RAB11FIP4: variants seen among roughly 807,000 people sequenced by gnomAD.
RAB11FIP4 encodes rab11 family-interacting protein 4.
RAB11FIP4 carries 23 observed loss-of-function variants against 74.3 expected under a neutral mutation model. That is an observed-to-expected ratio of 0.31 (90% CI 0.22 to 0.44). The LOEUF (loss-of-function observed/expected upper bound fraction) is 0.44, where lower values mean the gene tolerates loss of function less well. Among genes scored for constraint, RAB11FIP4 ranks in the 20% least tolerant of loss-of-function variants. The pLI is 1.00. For synonymous variants in RAB11FIP4, 360 were observed against 359.9 expected (o/e 1.00, Z 0.00); for missense variants, 630 against 863.9 (o/e 0.73, Z 3.39).
chr17:31,498,301 C>G (rs752755430), intron 3 of RAB11FIP4, among the ~76,000 whole-genome samples: 1 of 152,202 alleles, frequency 6.6e-6, no homozygotes, highest in Admixed American at 6.5e-5. Context: ...CCCCCAACCC[C>G]CCATGCAAGA....
intron 1 of RAB11FIP4, among the ~76,000 whole-genome samples, chr17:31,405,704 G>A (rs905530328): frequency 1.3e-5 from 2 of 152,144 alleles, no homozygotes; most frequent in African/African-American, 2.4e-5. Flanking sequence ...TCTTGATATA[G>A]AAATTTAAAT....
intron 1 of RAB11FIP4, among the ~76,000 whole-genome samples, chr17:31,404,454 G>C (rs78654944): frequency 6.6e-6 from 1 of 152,358 alleles, no homozygotes; most frequent in Non-Finnish European, 1.5e-5. Flanking sequence ...CAACTTACTT[G>C]CTGCGTGACT....
chr17:31,409,058 G>A (rs949552781), intron 1 of RAB11FIP4, among the ~76,000 whole-genome samples: 3 of 152,238 alleles, frequency 2.0e-5, no homozygotes, highest in African/African-American at 7.2e-5. Flanking sequence ...CGGGCAGCCA[G>A]ATGCAGCTAG....
intron 1 of RAB11FIP4, among the ~76,000 whole-genome samples, chr17:31,417,416 A>T (rs1753904598): frequency 6.6e-6 from 1 of 151,992 alleles, no homozygotes. Context: ...GGCCCCTCTC[A>T]CCCCACAGGC....
chr17:31,446,320 A>G (rs2071463351), intron 3 of RAB11FIP4, among the ~76,000 whole-genome samples: 1 of 152,102 alleles, frequency 6.6e-6, no homozygotes, highest in East Asian at 1.9e-4. Flanking sequence ...CACCCCTTGC[A>G]GCTTCTGTCC....
Position 31,524,013 on chromosome 17 carries a change from C to A in RAB11FIP4, c.1133+17C>A. ...GGTGCACAGGTCAAGCAGGCAGCGG[C>A]GCTGGGGGCTCGGCCGTGACGCTGG... is the stretch of plus-strand genomic sequence containing the variant. On this transcript the variant is annotated intron_variant, in intron 9 of 14. Transcript: ENST00000621161. 6.3e-7 allele frequency: 1 copy of A among 1,584,372 alleles called. No individual in the cohort carries two copies. The highest frequency in any genetic ancestry group is 8.6e-7 in the Non-Finnish European group (1 of 1,158,218).
At position 31,441,594 on chromosome 17, in the gene RAB11FIP4, C is replaced by T. The variant is rs184239129; in HGVS notation, c.336+7472C>T. On this transcript the variant is annotated intron_variant, in intron 3 of 14. Transcript: ENST00000621161. ...CCAGGCTGGAGTGCAGCAGTGTGAT[C>T]TCGGCTCACTGCAATCTCTGCCTCC... is the stretch of plus-strand genomic sequence containing the variant. Among the ~76,000 whole-genome samples, 75 of 151,726 alleles carry T rather than the reference C, an allele frequency of 4.9e-4. 1 individual carries two copies. In the East Asian group the frequency reaches 0.013, roughly 26 times the overall value.
intron 1 of RAB11FIP4, among the ~76,000 whole-genome samples, chr17:31,394,524 C>A (rs1372711977): frequency 1.3e-5 from 2 of 151,778 alleles, no homozygotes; most frequent in African/African-American, 2.4e-5. Context: ...TTTCTTTTTT[C>A]TTTTAACAAT....
At chr17:31,493,050 G>T (rs1023930325) in intron 3 of RAB11FIP4, among the ~76,000 whole-genome samples, 4 of 152,022 alleles carry the variant, frequency 2.6e-5, no homozygotes, top group Admixed American at 2.6e-4. Context: ...CCAGAGCTGT[G>T]GGGTCTGAGT....
intron 3 of RAB11FIP4, among the ~76,000 whole-genome samples, chr17:31,437,668 C>T (rs1159774034): frequency 5.9e-5 from 9 of 152,172 alleles, no homozygotes; most frequent in Non-Finnish European, 2.9e-5. Context: ...AGGGTGTGGA[C>T]GGAGACCTCT....
chr17:31,502,091 G>T (rs1167712306), intron 3 of RAB11FIP4, among the ~76,000 whole-genome samples: 2 of 152,078 alleles, frequency 1.3e-5, no homozygotes, highest in African/African-American at 4.8e-5. Context: ...AGGCGTGGTG[G>T]TGGGCACCTG....
intron 3 of RAB11FIP4, among the ~76,000 whole-genome samples, chr17:31,445,558 ATATATATATATATATATATATTTTT>A (rs1344960639): frequency 0.01 from 138 of 13,760 alleles, 3 homozygotes; most frequent in African/African-American, 0.023. Context: ...ATATATATAT[ATATATATATATATATATATATTTTT>A]TTTTTTTTTT....
rs540918138 is a variant in RAB11FIP4 at position 31,415,574 on chromosome 17, G to A, written c.160-16239G>A. On this transcript the variant is annotated intron_variant, in intron 1 of 14. Coordinates refer to ENST00000621161, the MANE Select transcript of RAB11FIP4 (RefSeq NM_032932.6). ...ATGCCCACCCCAAACATGCCTGAAA[G>A]CATTACGATCATAGAGACTTCAGAG... Among the ~76,000 whole-genome samples, 144 of 152,134 alleles carry A rather than the reference G, an allele frequency of 9.5e-4. 1 individual carries two copies. The highest frequency in any genetic ancestry group is 3.2e-3 in the African/African-American group (134 of 41,494).
At chr17:31,496,527 C>T (rs1056648018) in intron 3 of RAB11FIP4, among the ~76,000 whole-genome samples, 6 of 152,244 alleles carry the variant, frequency 3.9e-5, no homozygotes, top group African/African-American at 1.4e-4. Context: ...GGACATTACT[C>T]TTCTTCCCTC....
chr17:31,401,785 A>G (rs185032193), intron 1 of RAB11FIP4, among the ~76,000 whole-genome samples: 78 of 152,316 alleles, frequency 5.1e-4, no homozygotes, highest in African/African-American at 1.6e-3. Context: ...AGGTCATTCA[A>G]TGAGACTCCC....
intron 3 of RAB11FIP4, among the ~76,000 whole-genome samples, chr17:31,442,192 G>C (rs1452736686): frequency 6.6e-6 from 1 of 151,912 alleles, no homozygotes; most frequent in African/African-American, 2.4e-5. Context: ...GTAGAGACAG[G>C]GTTTCACTCT....
At position 31,529,179 on chromosome 17, in the gene RAB11FIP4, C is replaced by G. The variant is rs192874726; in HGVS notation, c.1653+401C>G. 3.1e-4 allele frequency among the ~76,000 whole-genome samples: 47 copies of G among 151,258 alleles called. No individual in the cohort carries two copies. In the East Asian group the frequency reaches 8.8e-3, roughly 28 times the overall value. On this transcript the variant is annotated intron_variant, in intron 13 of 14. Coordinates refer to ENST00000621161, the MANE Select transcript of RAB11FIP4 (RefSeq NM_032932.6). ...TTTGGCACTCCATAGCTCACTGCAGCCTTGAATTCCTGGGCTCAGGTGATC... is the reference window on the plus strand; with the variant it reads ...TTTGGCACTCCATAGCTCACTGCAGGCTTGAATTCCTGGGCTCAGGTGATC...
chr17:31,518,791 C>G (rs973270826), intron 4 of RAB11FIP4: 5 of 152,208 alleles, frequency 3.3e-5, no homozygotes, highest in African/African-American at 1.2e-4. Context: ...AAAAATTAAT[C>G]TGGAAAATTA....
intron 1 of RAB11FIP4, among the ~76,000 whole-genome samples, chr17:31,398,126 A>G (rs2070948200): frequency 6.6e-6 from 1 of 151,292 alleles, no homozygotes. Context: ...GCAACCTCCA[A>G]CTCCGGGGTT....
Sources: allele counts gnomAD v4.1 joint callset (sites outside exome capture counted in the v4.1 genomes callset), GRCh38; gene constraint gnomAD v4.1.1; transcripts MANE v1.5; gene names NCBI Gene and HGNC (gene_info 2026-07-23, HGNC 2026-07-21).